The following CYYR1 variants were observed in gnomAD, a reference collection of about 807,000 sequenced individuals.
The protein encoded by CYYR1 is cysteine and tyrosine-rich protein 1.
CYYR1 carries 14 observed loss-of-function variants against 15.2 expected under a neutral mutation model. The observed-to-expected ratio is 0.92, with a 90% CI of 0.61 to 1.44. The LOEUF (loss-of-function observed/expected upper bound fraction) is 1.44. Among genes scored for constraint, CYYR1 ranks in the 40% most tolerant of loss-of-function variants. CYYR1 has a pLI of 0.00. For synonymous variants in CYYR1, 80 were observed against 77.4 expected (o/e 1.03, Z -0.18); for missense variants, 228 against 209.5 (o/e 1.09, Z -0.54).
intron 2 of CYYR1, among the ~76,000 whole-genome samples, chr21:26,533,670 G>A (rs1265190921): frequency 1.3e-5 from 2 of 152,132 alleles, no homozygotes; most frequent in African/African-American, 2.4e-5. Flanking sequence ...TACCAGCTAT[G>A]TGAGTATCCC....
In CYYR1 at chr21:26,532,566, C is replaced by T. The variant is rs115745158; in HGVS notation, c.176+33700G>A. On this transcript the variant is annotated intron_variant, in intron 2 of 3. Transcript: ENST00000652641. ...GTATAGAAACCTTTTAATTAAAACACAGCATAGTAGGTGGAAATGGAAAGG... is the reference window on the plus strand; with the variant it reads ...GTATAGAAACCTTTTAATTAAAACATAGCATAGTAGGTGGAAATGGAAAGG... 2.7e-3 allele frequency among the ~76,000 whole-genome samples: 405 copies of T among 152,272 alleles called. 1 individual carries two copies. The highest frequency in any genetic ancestry group is 9.1e-3 in the African/African-American group (377 of 41,568).
chr21:26,521,460 G>T (rs2065803375), intron 2 of CYYR1, among the ~76,000 whole-genome samples: 1 of 152,208 alleles, frequency 6.6e-6, no homozygotes, highest in Non-Finnish European at 1.5e-5. Context: ...TAAATAGGTG[G>T]TATGCTGAAT....
At chr21:26,478,367 C>G (rs2065129504) in intron 3 of CYYR1, among the ~76,000 whole-genome samples, 2 of 151,950 alleles carry the variant, frequency 1.3e-5, no homozygotes, top group South Asian at 4.1e-4. Context: ...AGTCAGTATT[C>G]TAGGCAAAGC....
At chr21:26,531,724 G>C (rs2065932723) in intron 2 of CYYR1, among the ~76,000 whole-genome samples, 1 of 152,100 alleles carries the variant, frequency 6.6e-6, no homozygotes, top group African/African-American at 2.4e-5. Context: ...CTTTATAGCA[G>C]TGTGAGAACG....
chr21:26,474,743 T>G (rs2065081674), intron 3 of CYYR1, among the ~76,000 whole-genome samples: 1 of 152,164 alleles, frequency 6.6e-6, no homozygotes, highest in South Asian at 2.1e-4. Context: ...AGTGCTATTT[T>G]GTAAATCTTA....
chr21:26,480,896 T>C (rs2065171526), intron 2 of CYYR1, among the ~76,000 whole-genome samples: 1 of 152,176 alleles, frequency 6.6e-6, no homozygotes, highest in Non-Finnish European at 1.5e-5. Context: ...ACACTCTTCA[T>C]AGAACAAGAA....
intron 3 of CYYR1, among the ~76,000 whole-genome samples, chr21:26,474,228 T>C (rs1363124028): frequency 6.6e-6 from 1 of 151,826 alleles, no homozygotes; most frequent in Non-Finnish European, 1.5e-5. Flanking sequence ...CTAATTTTTG[T>C]ATTTTTAGTA....
At chr21:26,487,433 G>A (rs1218593363) in intron 2 of CYYR1, among the ~76,000 whole-genome samples, 2 of 152,010 alleles carry the variant, frequency 1.3e-5, no homozygotes, top group East Asian at 1.9e-4. Context: ...GCTGAAAGTC[G>A]ACTACATACA....
chr21:26,564,747 G>C, intron 2 of CYYR1: 11 of 1,223,730 alleles, frequency 9.0e-6, no homozygotes, highest in Non-Finnish European at 1.2e-5. Flanking sequence ...CTAGGAGCCA[G>C]ATGACCAAAG....
chr21:26,502,553 C>T (rs143056570), intron 2 of CYYR1, among the ~76,000 whole-genome samples: 7 of 152,220 alleles, frequency 4.6e-5, no homozygotes, highest in Non-Finnish European at 1.0e-4. Context: ...AGGCTATGAA[C>T]TCTCCAGCAA....
chr21:26,531,434 T>A (rs1362975353), intron 2 of CYYR1, among the ~76,000 whole-genome samples: 1 of 152,074 alleles, frequency 6.6e-6, no homozygotes, highest in Non-Finnish European at 1.5e-5. Flanking sequence ...TGAAGGAGAA[T>A]CCTGGTGGGA....
intron 2 of CYYR1, among the ~76,000 whole-genome samples, chr21:26,488,252 C>A (rs1187665613): frequency 7.1e-6 from 1 of 141,786 alleles, no homozygotes; most frequent in Non-Finnish European, 1.5e-5. Context: ...TTCCTTCCTT[C>A]CTTCCTTCCT....
At chr21:26,558,695 TACAC>T (rs1189167520) in intron 2 of CYYR1, among the ~76,000 whole-genome samples, 1 of 152,226 alleles carries the variant, frequency 6.6e-6, no homozygotes, top group African/African-American at 2.4e-5. Flanking sequence ...TCATAAATAA[TACAC>T]AGAATTATTT....
intron 2 of CYYR1, among the ~76,000 whole-genome samples, chr21:26,517,940 A>T (rs1459963443): frequency 6.6e-6 from 1 of 152,156 alleles, no homozygotes; most frequent in Non-Finnish European, 1.5e-5. Context: ...GGACCTCAGC[A>T]CTTGTCTGTG....
At chr21:26,565,442 C>T (rs185516081) in intron 2 of CYYR1, among the ~76,000 whole-genome samples, 2 of 152,254 alleles carry the variant, frequency 1.3e-5, no homozygotes, top group Admixed American at 6.5e-5. Context: ...GAGGCACAAC[C>T]GTTGCTGCTC....
At chr21:26,490,523 A>G (rs2065313577) in intron 2 of CYYR1, among the ~76,000 whole-genome samples, 1 of 152,174 alleles carries the variant, frequency 6.6e-6, no homozygotes, top group Non-Finnish European at 1.5e-5. Context: ...GCAAAAGAGA[A>G]TTGTTTTTCT....
intron 2 of CYYR1, among the ~76,000 whole-genome samples, chr21:26,539,632 G>A (rs1014826495): frequency 6.6e-6 from 1 of 152,140 alleles, no homozygotes; most frequent in African/African-American, 2.4e-5. Context: ...TGTGTTGAAA[G>A]GATTAGCTTT....
intron 2 of CYYR1, among the ~76,000 whole-genome samples, chr21:26,500,930 T>C (rs769888144): frequency 6.6e-6 from 1 of 151,970 alleles, no homozygotes; most frequent in Non-Finnish European, 1.5e-5. Flanking sequence ...TGGGACAGAG[T>C]TGTGTTTTGC....
chr21:26,573,103 C>A lies in CYYR1; in HGVS notation c.-163G>T, dbSNP rs892093088. The A allele has an allele frequency of 1.1e-5, 16 of 1,516,932 alleles. No homozygotes were observed. Among genetic ancestry groups the A allele is most frequent in the African/African-American group, 1.4e-5 (1 of 71,554 alleles). 94.0% of individuals were successfully genotyped at this position (1,516,932 alleles called of 1,614,324 possible). On this transcript the variant is annotated 5_prime_UTR_variant, in exon 1 of 4. Coordinates refer to ENST00000652641, the MANE Select transcript of CYYR1 (RefSeq NM_001320768.2). ...GCCTTCCAAGGGAGCCCGGGCCGGG[C>A]GCGTCCCGGGCCAGCGACTGCGGGA...
Sources: gnomAD v4.1 joint callset for allele counts (sites outside exome capture counted in the v4.1 genomes callset) on GRCh38, gnomAD v4.1.1 for gene constraint, MANE v1.5 for transcripts, NCBI Gene and HGNC (gene_info 2026-07-23, HGNC 2026-07-21) for gene names.